OPCML: variants seen among roughly 807,000 people sequenced by gnomAD.
The protein encoded by OPCML is opioid-binding protein/cell adhesion molecule.
A neutral mutation model predicts 37.8 loss-of-function variants in OPCML; 13 were observed. That is an observed-to-expected ratio of 0.34 (90% confidence interval 0.22 to 0.55). The LOEUF (loss-of-function observed/expected upper bound fraction) is 0.55, where lower values mean the gene tolerates loss of function less well. OPCML is among the 20% of genes least tolerant of loss of function. The pLI is 0.91. For synonymous variants in OPCML, 176 were observed against 168.8 expected (o/e 1.04, Z -0.33); for missense variants, 341 against 435.6 (o/e 0.78, Z 1.93).
intron 3 of OPCML, among the ~76,000 whole-genome samples, chr11:132,592,599 A>T (rs977015794): frequency 1.3e-5 from 2 of 152,226 alleles, no homozygotes; most frequent in Admixed American, 6.5e-5. Flanking sequence ...GAGCATGCCC[A>T]TAGCAAGAGA....
chr11:133,146,322 T>TC (rs1304256950), intron 1 of OPCML, among the ~76,000 whole-genome samples: 1 of 150,810 alleles, frequency 6.6e-6, no homozygotes, highest in Admixed American at 6.6e-5. Context: ...CTTTTTTTTT[T>TC]TTTTTTTTTG....
intron 1 of OPCML, among the ~76,000 whole-genome samples, chr11:133,526,099 G>A (rs1200643337): frequency 6.6e-6 from 1 of 152,196 alleles, no homozygotes; most frequent in African/African-American, 2.4e-5. Context: ...GTGGCGACAG[G>A]ACGTGATGGG....
chr11:132,710,040 T>C (rs1213803158), intron 2 of OPCML, among the ~76,000 whole-genome samples: 1 of 152,164 alleles, frequency 6.6e-6, no homozygotes, highest in East Asian at 1.9e-4. Context: ...TAATAAATAT[T>C]CCCCATTTAT....
At chr11:132,458,951 T>C (rs1459155626) in intron 4 of OPCML, among the ~76,000 whole-genome samples, 1 of 152,210 alleles carries the variant, frequency 6.6e-6, no homozygotes, top group Non-Finnish European at 1.5e-5. Context: ...TTCTTTTGTG[T>C]ACACCAAAAC....
chr11:132,602,490 C>A (rs138377574), intron 3 of OPCML, among the ~76,000 whole-genome samples: 53 of 152,248 alleles, frequency 3.5e-4, no homozygotes, highest in East Asian at 3.9e-4. Context: ...CAAAAAAATT[C>A]TGTTTGCTTC....
Position 133,003,988 on chromosome 11 carries a change from C to T in OPCML, c.62-60978G>A, listed in dbSNP as rs988025532. On this transcript the variant is annotated intron_variant, in intron 1 of 7. Transcript: ENST00000524381. ...CAGCAGATCCCTCGAGAAGTCCCTG[C>T]ACCCCGAGGAAGTGGCACACGTCTC... 38 of 985,332 alleles carry T rather than the reference C, an allele frequency of 3.9e-5. No individual in the cohort carries two copies. The African/African-American group carries it at 6.1e-4, about 16-fold the overall frequency. 61.0% of individuals were successfully genotyped at this position (985,332 alleles called of 1,614,324 possible).
intron 4 of OPCML, among the ~76,000 whole-genome samples, chr11:132,491,018 T>G (rs570766361): frequency 6.6e-6 from 1 of 152,214 alleles, no homozygotes; most frequent in Admixed American, 6.5e-5. Flanking sequence ...TCTCTTTCTC[T>G]CACACCCCAA....
intron 3 of OPCML, among the ~76,000 whole-genome samples, chr11:132,563,807 AAC>A (rs1491479332): frequency 7.2e-6 from 1 of 138,664 alleles, no homozygotes; most frequent in East Asian, 2.6e-4. Context: ...AAACAACAAC[AAC>A]AAAAAAACAG....
rs554881210 is a variant in OPCML at position 133,290,348 on chromosome 11, A to G, written c.61+241916T>C. 6.6e-5 allele frequency among the ~76,000 whole-genome samples: 10 copies of G among 152,308 alleles called. No homozygotes were observed. In the South Asian group the frequency reaches 1.2e-3, roughly 19 times the overall value. ...ACCCTCAGCAGAGCGTGGTGCCTGT[A>G]ATTCAGATCACCTCCTGGCCTGTAC... On this transcript the variant is annotated intron_variant, in intron 1 of 7. Transcript: ENST00000524381.
intron 2 of OPCML, among the ~76,000 whole-genome samples, chr11:132,775,457 A>G (rs1946778419): frequency 6.6e-6 from 1 of 152,208 alleles, no homozygotes; most frequent in African/African-American, 2.4e-5. Flanking sequence ...CTCTTCCTTC[A>G]ATAACCACCA....
chr11:132,599,241 G>T (rs764404465), intron 3 of OPCML, among the ~76,000 whole-genome samples: 4 of 152,148 alleles, frequency 2.6e-5, no homozygotes, highest in East Asian at 1.9e-4. Flanking sequence ...AGCCGAGATT[G>T]CACCACTGCA....
At chr11:132,772,757 T>G (rs1440755925) in intron 2 of OPCML, 2 of 152,214 alleles carry the variant, frequency 1.3e-5, no homozygotes, top group Non-Finnish European at 2.9e-5. Flanking sequence ...TAAATAAAAA[T>G]GTTGAAGGCC....
At chr11:132,882,537 G>A (rs767331474) in intron 2 of OPCML, among the ~76,000 whole-genome samples, 3 of 152,242 alleles carry the variant, frequency 2.0e-5, no homozygotes, top group South Asian at 2.1e-4. Context: ...TTTGCATATC[G>A]TGATAGGGCC....
intron 2 of OPCML, among the ~76,000 whole-genome samples, chr11:132,722,925 T>A: frequency 6.6e-6 from 1 of 152,298 alleles, no homozygotes; most frequent in South Asian, 2.1e-4. Flanking sequence ...TATCCTATGA[T>A]TCAATGAAAA....
intron 1 of OPCML, among the ~76,000 whole-genome samples, chr11:133,332,025 G>A (rs1458200792): frequency 5.9e-5 from 9 of 152,176 alleles, no homozygotes; most frequent in Admixed American, 5.9e-4. Flanking sequence ...GCTTTGGAAA[G>A]TATAGTCATT....
intron 1 of OPCML, among the ~76,000 whole-genome samples, chr11:133,332,395 T>C (rs1415638006): frequency 6.6e-6 from 1 of 152,192 alleles, no homozygotes; most frequent in Admixed American, 6.5e-5. Flanking sequence ...AGTTTCTCTC[T>C]TCCTATTTGG....
At chr11:132,494,656 T>C (rs534015904) in intron 4 of OPCML, among the ~76,000 whole-genome samples, 1 of 152,314 alleles carries the variant, frequency 6.6e-6, no homozygotes, top group South Asian at 2.1e-4. Context: ...TTGCAAGATT[T>C]CTATGATTTT....
intron 1 of OPCML, among the ~76,000 whole-genome samples, chr11:133,230,501 C>A (rs1031869888): frequency 1.3e-5 from 2 of 152,170 alleles, no homozygotes; most frequent in African/African-American, 2.4e-5. Flanking sequence ...AGGCCTTGAA[C>A]CCTAACTGAA....
At chr11:132,995,190 G>A (rs1268084753) in intron 1 of OPCML, among the ~76,000 whole-genome samples, 2 of 152,174 alleles carry the variant, frequency 1.3e-5, no homozygotes, top group African/African-American at 2.4e-5. Context: ...AAACGTGAGC[G>A]GGTAGCTCAA....
Sources: gnomAD v4.1 joint callset for allele counts (sites outside exome capture counted in the v4.1 genomes callset) on GRCh38, gnomAD v4.1.1 for gene constraint, MANE v1.5 for transcripts, NCBI Gene and HGNC (gene_info 2026-07-23, HGNC 2026-07-21) for gene names.